FCHO2: variants seen among roughly 807,000 people sequenced by gnomAD.
The protein encoded by FCHO2 is F-BAR domain only protein 2.
Under a neutral mutation model 114.1 loss-of-function variants are expected in FCHO2, and 43 were observed. That is an observed-to-expected ratio of 0.38 (90% CI 0.30 to 0.49). The LOEUF (loss-of-function observed/expected upper bound fraction) is 0.49, where lower values mean the gene tolerates loss of function less well. FCHO2 is among the 20% of genes least tolerant of loss of function. The probability of loss-of-function intolerance (pLI) is 0.97; values close to 1 mark genes in which losing one functional copy is unlikely to be tolerated. For synonymous variants in FCHO2, 293 were observed against 315.2 expected (o/e 0.93, Z 0.75); for missense variants, 807 against 950.4 (o/e 0.85, Z 1.98).
At chr5:72,999,205 A>G (rs1162357058) in intron 5 of FCHO2, among the ~76,000 whole-genome samples, 1 of 151,850 alleles carries the variant, frequency 6.6e-6, no homozygotes, top group African/African-American at 2.4e-5. Flanking sequence ...TCTGATTTGT[A>G]ATATATTTTA....
At chr5:73,073,601 T>A (rs1468168961) in intron 19 of FCHO2, among the ~76,000 whole-genome samples, 1 of 152,078 alleles carries the variant, frequency 6.6e-6, no homozygotes, top group African/African-American at 2.4e-5. Flanking sequence ...ACAAATTCCT[T>A]CAAAATCTAG....
intron 11 of FCHO2, among the ~76,000 whole-genome samples, chr5:73,048,529 T>C (rs1757176661): frequency 6.6e-6 from 1 of 152,214 alleles, no homozygotes; most frequent in East Asian, 1.9e-4. Context: ...CCTGCAGATA[T>C]GGAGGAATGG....
intron 5 of FCHO2, among the ~76,000 whole-genome samples, chr5:73,000,229 T>TA (rs1342641713): frequency 6.6e-6 from 1 of 152,020 alleles, no homozygotes; most frequent in African/African-American, 2.4e-5. Context: ...TCCCAGCACT[T>TA]AGAGAGGCCG....
intron 1 of FCHO2, among the ~76,000 whole-genome samples, chr5:72,959,040 C>A (rs915616312): frequency 6.6e-6 from 1 of 152,094 alleles, no homozygotes; most frequent in African/African-American, 2.4e-5. Context: ...TCTGGAGAGA[C>A]CTCCAAATCT....
At chr5:73,087,297 T>TA (rs1452447524) in intron 24 of FCHO2, among the ~76,000 whole-genome samples, 3 of 152,226 alleles carry the variant, frequency 2.0e-5, no homozygotes, top group Non-Finnish European at 2.9e-5. Context: ...TGTCCTCAGT[T>TA]ACTTCCTTCT....
In FCHO2 at chr5:72,975,680, T is replaced by C. The variant is rs550192774; in HGVS notation, c.125+7091T>C. On this transcript the variant is annotated intron_variant, in intron 2 of 25. Coordinates refer to ENST00000430046, the MANE Select transcript of FCHO2 (RefSeq NM_138782.3). Reference sequence around the variant, plus strand: ...CCACCATGCCTGGCTAATTTTTGTATTTTTTATAGAGACGGGGTTTTGCCA... The same window carrying C: ...CCACCATGCCTGGCTAATTTTTGTACTTTTTATAGAGACGGGGTTTTGCCA... Among the ~76,000 whole-genome samples, 7 of 152,230 alleles carry C rather than the reference T, an allele frequency of 4.6e-5. No individual in the cohort carries two copies. In the East Asian group the frequency reaches 1.4e-3, roughly 29 times the overall value.
chr5:72,973,621 C>G (rs1005831924), intron 2 of FCHO2, among the ~76,000 whole-genome samples: 21 of 150,216 alleles, frequency 1.4e-4, no homozygotes, highest in Non-Finnish European at 1.2e-4. Flanking sequence ...TGCTAGTGGT[C>G]TATCAATTTT....
chr5:72,972,718 G>A (rs62360742), intron 2 of FCHO2, among the ~76,000 whole-genome samples: 1 of 151,932 alleles, frequency 6.6e-6, no homozygotes, highest in African/African-American at 2.4e-5. Flanking sequence ...AATTGCCCTG[G>A]CTAGAACTTC....
chr5:72,962,045 CATTT>C (rs1328621671), intron 1 of FCHO2, among the ~76,000 whole-genome samples: 3 of 152,180 alleles, frequency 2.0e-5, no homozygotes, highest in Admixed American at 2.0e-4. Context: ...ACTACAGATT[CATTT>C]AACTTGATGC....
chr5:73,025,822 AT>A (rs567280935), intron 8 of FCHO2, among the ~76,000 whole-genome samples: 173 of 152,272 alleles, frequency 1.1e-3, no homozygotes, highest in African/African-American at 4.0e-3. Flanking sequence ...GACTTAAAGG[AT>A]TTTGTTTTGT....
At chr5:73,067,517 CTT>C (rs754802154) in intron 18 of FCHO2, among the ~76,000 whole-genome samples, 1 of 151,970 alleles carries the variant, frequency 6.6e-6, no homozygotes, top group African/African-American at 2.4e-5. Flanking sequence ...TTGTAAAACA[CTT>C]TTTGCAGTAA....
At chr5:73,008,443 A>G (rs1251866234) in intron 6 of FCHO2, among the ~76,000 whole-genome samples, 1 of 152,190 alleles carries the variant, frequency 6.6e-6, no homozygotes, top group East Asian at 1.9e-4. Flanking sequence ...GATCCCTTCC[A>G]GGTTTTAGCT....
At chr5:73,056,450 T>A (rs1757598385) in intron 16 of FCHO2, among the ~76,000 whole-genome samples, 2 of 152,214 alleles carry the variant, frequency 1.3e-5, no homozygotes, top group South Asian at 2.1e-4. Context: ...TTCTCATCCC[T>A]TCTTCCACAC....
chr5:72,958,805 T>C (rs1027301078), intron 1 of FCHO2, among the ~76,000 whole-genome samples: 6 of 152,246 alleles, frequency 3.9e-5, no homozygotes, highest in Admixed American at 3.3e-4. Context: ...GTTATGCATA[T>C]TTTTGATGCA....
At chr5:73,085,811 A>G (rs2112898602) in intron 24 of FCHO2, among the ~76,000 whole-genome samples, 1 of 122,784 alleles carries the variant, frequency 8.1e-6, no homozygotes, top group African/African-American at 3.0e-5. Flanking sequence ...TAAATAAATA[A>G]ATAAATAAAT....
chr5:73,086,919 A>G (rs1743331987), intron 24 of FCHO2, among the ~76,000 whole-genome samples: 1 of 152,098 alleles, frequency 6.6e-6, no homozygotes, highest in African/African-American at 2.4e-5. Context: ...AATACACACC[A>G]TCATCCCCAC....
At chr5:73,014,237 A>G (rs1755174586) in intron 6 of FCHO2, among the ~76,000 whole-genome samples, 1 of 151,364 alleles carries the variant, frequency 6.6e-6, no homozygotes, top group African/African-American at 2.4e-5. Context: ...CTTTGATGAC[A>G]GCCATCTCTT....
At chr5:73,001,283 C>T (rs752847672) in intron 5 of FCHO2, among the ~76,000 whole-genome samples, 48 of 151,412 alleles carry the variant, frequency 3.2e-4, no homozygotes, top group Non-Finnish European at 5.6e-4. Context: ...CATTGCATTC[C>T]GGCCCAGGCC....
chr5:72,991,153 C>G (rs76758064), intron 5 of FCHO2, among the ~76,000 whole-genome samples: 21,085 of 152,168 alleles, frequency 0.14, 1,667 homozygotes, highest in East Asian at 0.35. Context: ...CAGCCTCTGC[C>G]TCCTGGGTTG....
Sources: gnomAD v4.1 joint callset for allele counts (sites outside exome capture counted in the v4.1 genomes callset) on GRCh38, gnomAD v4.1.1 for gene constraint, MANE v1.5 for transcripts, NCBI Gene and HGNC (gene_info 2026-07-23, HGNC 2026-07-21) for gene names.